Variants in EPHB1 observed in about 807,000 individuals in gnomAD.
The protein encoded by EPHB1 is EPH receptor B1, also known as ephrin type-B receptor 1.
In EPHB1, 30 loss-of-function variants were observed where a neutral mutation model predicts 94.4. That is an observed-to-expected ratio of 0.32 (90% CI 0.24 to 0.43). The LOEUF is 0.43. EPHB1 is among the 20% of genes least tolerant of loss of function. The pLI is 1.00. For synonymous variants in EPHB1, 522 were observed against 489.1 expected (o/e 1.07, Z -0.89); for missense variants, 1,055 against 1,308.3 (o/e 0.81, Z 2.99).
chr3:135,052,721 C>T (rs112112749), intron 3 of EPHB1, among the ~76,000 whole-genome samples: 3,113 of 149,706 alleles, frequency 0.021, 105 homozygotes, highest in African/African-American at 0.073. Context: ...ATTAGCCGGG[C>T]GTGTTGGCTG....
chr3:134,948,470 A>G (rs1242214467), intron 2 of EPHB1, among the ~76,000 whole-genome samples: 1 of 152,246 alleles, frequency 6.6e-6, no homozygotes, highest in South Asian at 2.1e-4. Context: ...GCTGAAAAAA[A>G]AAATAGGCAA....
chr3:134,934,025 G>A (rs1430182902), intron 2 of EPHB1, among the ~76,000 whole-genome samples: 1 of 151,570 alleles, frequency 6.6e-6, no homozygotes, highest in East Asian at 1.9e-4. Flanking sequence ...CCCTCTTCAG[G>A]TAAACCACTG....
intron 2 of EPHB1, among the ~76,000 whole-genome samples, chr3:134,940,633 G>C (rs565274386): frequency 6.6e-6 from 1 of 152,302 alleles, no homozygotes; most frequent in Admixed American, 6.5e-5. Flanking sequence ...TACCCTCCAG[G>C]CTAGCTCCTG....
chr3:135,242,952 T>C (rs1346073193), intron 13 of EPHB1, among the ~76,000 whole-genome samples: 3 of 151,852 alleles, frequency 2.0e-5, no homozygotes, highest in Non-Finnish European at 4.4e-5. Flanking sequence ...GGCACATGCC[T>C]GTAATCTCAG....
chr3:135,038,044 C>T (rs1030827963), intron 3 of EPHB1, among the ~76,000 whole-genome samples: 1 of 152,128 alleles, frequency 6.6e-6, no homozygotes, highest in Non-Finnish European at 1.5e-5. Context: ...CGGGTGTGTC[C>T]CCTTCCTGCA....
rs191970479 is a variant in EPHB1 at position 134,807,030 on chromosome 3, A to G, written c.58+11341A>G. Among the ~76,000 whole-genome samples, 5 of 152,242 alleles carry G rather than the reference A, an allele frequency of 3.3e-5. No individual in the cohort carries two copies. In the East Asian group the frequency reaches 9.7e-4, roughly 29 times the overall value. ...TGCACGGGAGATAGATTTTGGCTTG[A>G]TTACAAAATTCTTTTCAGTCAAACT... On this transcript the variant is annotated intron_variant, in intron 1 of 15. Coordinates refer to ENST00000398015, the MANE Select transcript of EPHB1 (RefSeq NM_004441.5).
intron 3 of EPHB1, among the ~76,000 whole-genome samples, chr3:134,991,652 C>G (rs1993502): frequency 9.9e-5 from 15 of 152,276 alleles, no homozygotes; most frequent in African/African-American, 3.4e-4. Flanking sequence ...AGTGCAAACA[C>G]TCTCCCCTGG....
chr3:135,118,462 G>A (rs1343071703), intron 4 of EPHB1, among the ~76,000 whole-genome samples: 2 of 152,138 alleles, frequency 1.3e-5, no homozygotes, highest in Admixed American at 6.5e-5. Context: ...TATAGATGAA[G>A]GATTTGAGGC....
At chr3:134,986,648 T>G (rs1934608371) in intron 3 of EPHB1, among the ~76,000 whole-genome samples, 1 of 151,950 alleles carries the variant, frequency 6.6e-6, no homozygotes, top group Admixed American at 6.6e-5. Context: ...CTTCAGACTT[T>G]GCGGCCAAAA....
chr3:135,259,865 C>G lies in EPHB1; in HGVS notation c.*745C>G, dbSNP rs1438424078. ...TGTGCAAAAGCACACATATGTATGTCTGTGTTATAAAATGACTGTGCTTGT... is the reference window on the plus strand; with the variant it reads ...TGTGCAAAAGCACACATATGTATGTGTGTGTTATAAAATGACTGTGCTTGT... On this transcript the variant is annotated 3_prime_UTR_variant, in exon 16 of 16. Coordinates refer to ENST00000398015, the MANE Select transcript of EPHB1 (RefSeq NM_004441.5). The G allele has an allele frequency of 8.9e-6, 2 of 225,504 alleles. No individual in the cohort carries two copies. The highest frequency in any genetic ancestry group is 4.5e-5 in the African/African-American group (2 of 44,878). 14.0% of individuals were successfully genotyped at this position (225,504 alleles called of 1,614,324 possible).
At chr3:134,956,233 C>T (rs908182785) in intron 3 of EPHB1, among the ~76,000 whole-genome samples, 2 of 152,030 alleles carry the variant, frequency 1.3e-5, no homozygotes, top group African/African-American at 4.8e-5. Flanking sequence ...ACTGTCATAT[C>T]TTCTGTGACA....
chr3:134,850,238 C>A (rs1394121351), intron 1 of EPHB1, among the ~76,000 whole-genome samples: 1 of 152,198 alleles, frequency 6.6e-6, no homozygotes, highest in Non-Finnish European at 1.5e-5. Flanking sequence ...TGCCAAGGAA[C>A]AATAGCTGTC....
chr3:134,999,087 A>G (rs960551351), intron 3 of EPHB1, among the ~76,000 whole-genome samples: 1 of 152,196 alleles, frequency 6.6e-6, no homozygotes, highest in Non-Finnish European at 1.5e-5. Flanking sequence ...AGTCAAGTAA[A>G]CCCGATACCT....
At chr3:134,840,365 T>C (rs2036753602) in intron 1 of EPHB1, 1 of 152,354 alleles carries the variant, frequency 6.6e-6, no homozygotes, top group South Asian at 2.1e-4. Flanking sequence ...CATCTAGATA[T>C]ATGGGCATTG....
intron 3 of EPHB1, among the ~76,000 whole-genome samples, chr3:135,064,286 T>C (rs1937552893): frequency 6.6e-6 from 1 of 152,132 alleles, no homozygotes; most frequent in Admixed American, 6.5e-5. Flanking sequence ...CAATCCTTCT[T>C]TGAATGGCTG....
At chr3:135,117,736 T>A (rs1183065052) in intron 4 of EPHB1, among the ~76,000 whole-genome samples, 2 of 152,222 alleles carry the variant, frequency 1.3e-5, no homozygotes, top group East Asian at 3.8e-4. Context: ...CTTGGCTGTG[T>A]CTTAGACTTG....
At chr3:135,117,544 C>T (rs915663231) in intron 4 of EPHB1, among the ~76,000 whole-genome samples, 8 of 152,208 alleles carry the variant, frequency 5.3e-5, no homozygotes, top group African/African-American at 1.9e-4. Context: ...TACCTCCACC[C>T]CATTAAATAA....
At chr3:135,235,776 T>G (rs1943637310) in intron 12 of EPHB1, among the ~76,000 whole-genome samples, 1 of 152,152 alleles carries the variant, frequency 6.6e-6, no homozygotes, top group South Asian at 2.1e-4. Flanking sequence ...GGGACACTGA[T>G]GGTAGAGTGA....
At chr3:135,057,006 T>A (rs1009854986) in intron 3 of EPHB1, among the ~76,000 whole-genome samples, 2 of 151,936 alleles carry the variant, frequency 1.3e-5, no homozygotes, top group African/African-American at 2.4e-5. Flanking sequence ...GTATGGAGAG[T>A]CCCCTCTGGG....
Sources: gnomAD v4.1 joint callset for allele counts (sites outside exome capture counted in the v4.1 genomes callset) on GRCh38, gnomAD v4.1.1 for gene constraint, MANE v1.5 for transcripts, NCBI Gene and HGNC (gene_info 2026-07-23, HGNC 2026-07-21) for gene names.